Variants in BICC1 observed in about 807,000 individuals in gnomAD.
BICC1 encodes protein bicaudal C homolog 1.
In BICC1, 43 loss-of-function variants were observed where a neutral mutation model predicts 111.0. That is an observed-to-expected ratio of 0.39 (90% confidence interval 0.30 to 0.50). The LOEUF is 0.50. Ranked by LOEUF, BICC1 falls within the 20% of genes least tolerant of loss-of-function variation. The probability of loss-of-function intolerance (pLI) is 0.88; values close to 1 mark genes in which losing one functional copy is unlikely to be tolerated. For missense variants in BICC1, 1,091 were observed against 1,203.2 expected (o/e 0.91, Z 1.38); for synonymous variants, 467 against 434.4 (o/e 1.07, Z -0.93).
intron 12 of BICC1, 83 bp downstream of exon 12, chr10:58,799,335 ATG>A (rs1182130331): frequency 1.2e-4 from 138 of 1,116,610 alleles, no homozygotes; most frequent in Non-Finnish European, 1.5e-4. Flanking sequence ...ACATGCTAGA[ATG>A]TGTGTGTGTG....
intron 1 of BICC1, among the ~76,000 whole-genome samples, chr10:58,551,588 C>A (rs1437593704): frequency 2.6e-5 from 4 of 152,098 alleles, no homozygotes; most frequent in Admixed American, 6.6e-5. Flanking sequence ...ATCTCTTGAA[C>A]TTACTTTTCT....
At position 58,597,288 on chromosome 10, in the gene BICC1, G is replaced by A. The variant is rs528234730; in HGVS notation, c.191-23567G>A. ...ATTAAGGGTTTCAAAAGGGGAGGGG[G>A]TGTAAGAACAGGGAGTAGGTACAAA... On this transcript the variant is annotated intron_variant, in intron 1 of 20. Coordinates refer to ENST00000373886, the MANE Select transcript of BICC1 (RefSeq NM_001080512.3). 3.3e-5 allele frequency among the ~76,000 whole-genome samples: 5 copies of A among 152,194 alleles called. No individual in the cohort carries two copies. The South Asian group carries it at 6.2e-4, about 19-fold the overall frequency.
At chr10:58,689,599 G>A (rs551969811) in intron 2 of BICC1, among the ~76,000 whole-genome samples, 164 of 152,290 alleles carry the variant, frequency 1.1e-3, no homozygotes, top group Admixed American at 1.7e-3. Flanking sequence ...AAGAGACAGT[G>A]TTCTTGAATT....
chr10:58,527,800 G>A (rs1564472422), intron 1 of BICC1, among the ~76,000 whole-genome samples: 1 of 151,970 alleles, frequency 6.6e-6, no homozygotes, highest in Non-Finnish European at 1.5e-5. Context: ...TGCTTCTTGA[G>A]TGCCCTGCTG....
At chr10:58,693,691 C>T (rs1294101038) in intron 2 of BICC1, among the ~76,000 whole-genome samples, 9 of 151,974 alleles carry the variant, frequency 5.9e-5, no homozygotes, top group South Asian at 2.1e-4. Flanking sequence ...ATCCTTTGCC[C>T]GCTTTTTGAT....
chr10:58,779,756 G>T (rs748765068), intron 3 of BICC1, among the ~76,000 whole-genome samples: 1 of 152,134 alleles, frequency 6.6e-6, no homozygotes, highest in African/African-American at 2.4e-5. Context: ...ATCTGTAGTC[G>T]ATTGCCACGT....
At chr10:58,740,938 G>A (rs766646479) in intron 3 of BICC1, among the ~76,000 whole-genome samples, 24 of 152,176 alleles carry the variant, frequency 1.6e-4, no homozygotes, top group Admixed American at 2.6e-4. Context: ...TTCATTAACC[G>A]TGGGAAATTA....
intron 10 of BICC1, among the ~76,000 whole-genome samples, chr10:58,796,918 C>T (rs961249983): frequency 7.2e-6 from 1 of 139,308 alleles, no homozygotes; most frequent in Non-Finnish European, 1.5e-5. Context: ...AAAGTAATTG[C>T]AAATCTGTAT....
At chr10:58,589,796 T>G (rs2132036176) in intron 1 of BICC1, among the ~76,000 whole-genome samples, 1 of 152,136 alleles carries the variant, frequency 6.6e-6, no homozygotes, top group Admixed American at 6.5e-5. Context: ...TTTAAATTAT[T>G]ATTATTATTT....
At chr10:58,525,622 T>C (rs1300626063) in intron 1 of BICC1, among the ~76,000 whole-genome samples, 1 of 148,426 alleles carries the variant, frequency 6.7e-6, no homozygotes, top group African/African-American at 2.5e-5. Context: ...AAATAATGAG[T>C]TAATGGGTGC....
chr10:58,697,963 C>A (rs1165647577), intron 2 of BICC1, among the ~76,000 whole-genome samples: 1 of 151,988 alleles, frequency 6.6e-6, no homozygotes, highest in Non-Finnish European at 1.5e-5. Flanking sequence ...CTCCACTACT[C>A]CCATCACTGG....
At chr10:58,523,522 C>G (rs1323748186) in intron 1 of BICC1, among the ~76,000 whole-genome samples, 2 of 152,164 alleles carry the variant, frequency 1.3e-5, no homozygotes, top group Non-Finnish European at 2.9e-5. Context: ...GCTAAAAACT[C>G]TCAATAAATT....
intron 3 of BICC1, among the ~76,000 whole-genome samples, chr10:58,733,208 T>C (rs1841370332): frequency 6.6e-6 from 1 of 152,190 alleles, no homozygotes; most frequent in Non-Finnish European, 1.5e-5. Context: ...TCTCTAAAAA[T>C]AGAACTTTGT....
chr10:58,685,256 C>A (rs953354135), intron 2 of BICC1, among the ~76,000 whole-genome samples: 134 of 152,224 alleles, frequency 8.8e-4, no homozygotes, highest in African/African-American at 3.0e-3. Flanking sequence ...AATTTCTGTT[C>A]TTTTACATTT....
At chr10:58,688,955 C>G (rs924122186) in intron 2 of BICC1, among the ~76,000 whole-genome samples, 8 of 151,918 alleles carry the variant, frequency 5.3e-5, no homozygotes, top group Non-Finnish European at 1.0e-4. Context: ...GTGCAGCAAA[C>G]TACCATGGCA....
chr10:58,550,126 C>A (rs1438298772), intron 1 of BICC1, among the ~76,000 whole-genome samples: 1 of 151,988 alleles, frequency 6.6e-6, no homozygotes, highest in African/African-American at 2.4e-5. Context: ...AGTAATCCTC[C>A]ACCTCAGCCT....
At chr10:58,566,972 G>T (rs77410133) in intron 1 of BICC1, among the ~76,000 whole-genome samples, 1,954 of 152,246 alleles carry the variant, frequency 0.013, 27 homozygotes, top group Middle Eastern at 0.024. Flanking sequence ...TAAGTATACA[G>T]CACAGTTGAA....
At chr10:58,662,259 T>G (rs1372121681) in intron 2 of BICC1, among the ~76,000 whole-genome samples, 1 of 152,212 alleles carries the variant, frequency 6.6e-6, no homozygotes, top group East Asian at 1.9e-4. Flanking sequence ...TTTAAAAAAT[T>G]AGAATAATGT....
At chr10:58,707,855 G>A (rs1208137302) in intron 3 of BICC1, among the ~76,000 whole-genome samples, 12 of 152,042 alleles carry the variant, frequency 7.9e-5, no homozygotes, top group African/African-American at 2.7e-4. Flanking sequence ...CTGCCACCAC[G>A]CCCGGCTAAT....
Sources: gnomAD v4.1 joint callset for allele counts (sites outside exome capture counted in the v4.1 genomes callset) on GRCh38, gnomAD v4.1.1 for gene constraint, MANE v1.5 for transcripts, NCBI Gene and HGNC (gene_info 2026-07-23, HGNC 2026-07-21) for gene names.